Variants in GNB1 observed in about 807,000 individuals in gnomAD.
GNB1 encodes the protein guanine nucleotide-binding protein G(I)/G(S)/G(T) subunit beta-1.
A neutral mutation model predicts 42.9 loss-of-function variants in GNB1; 2 were observed. The observed-to-expected ratio is 0.05, with a 90% CI of 0.02 to 0.15. The LOEUF is 0.15. GNB1 is among the 10% of genes least tolerant of loss of function. The pLI, the probability that GNB1 is intolerant of heterozygous loss-of-function variation, is 1.00. For missense variants in GNB1, 193 were observed against 462.2 expected (o/e 0.42, Z 5.34); for synonymous variants, 183 against 174.7 (o/e 1.05, Z -0.38).
At position 1,864,708 on chromosome 1, in the gene GNB1, T is replaced by C. The variant is rs974558412; in HGVS notation, c.-95-25470A>G. 4.6e-5 allele frequency among the ~76,000 whole-genome samples: 7 copies of C among 152,338 alleles called. No individual in the cohort carries two copies. In the South Asian group the frequency reaches 1.2e-3, roughly 27 times the overall value. On this transcript the variant is annotated intron_variant, in intron 1 of 11. Coordinates refer to ENST00000378609, the MANE Select transcript of GNB1 (RefSeq NM_002074.5). Reference sequence around the variant, plus strand: ...ATACGAAAGACTTTTTCCACTAGTTTGTACTCTGAGTAAAATTCTTCGTTC... The same window carrying C: ...ATACGAAAGACTTTTTCCACTAGTTCGTACTCTGAGTAAAATTCTTCGTTC...
At chr1:1,791,867 A>G (rs1209829776) in intron 8 of GNB1, among the ~76,000 whole-genome samples, 1 of 152,242 alleles carries the variant, frequency 6.6e-6, no homozygotes, top group Non-Finnish European at 1.5e-5. Context: ...TCTTCTCAAG[A>G]TTGACAATCT....
chr1:1,855,244 C>T (rs1187454768), intron 1 of GNB1, among the ~76,000 whole-genome samples: 6 of 148,444 alleles, frequency 4.0e-5, no homozygotes, highest in Admixed American at 2.0e-4. Context: ...TCACTTGAAC[C>T]GGGGAGGTGG....
At chr1:1,844,556 T>A (rs904906490) in intron 1 of GNB1, among the ~76,000 whole-genome samples, 1 of 152,238 alleles carries the variant, frequency 6.6e-6, no homozygotes, top group African/African-American at 2.4e-5. Context: ...AGAAACTGAA[T>A]CCTTGAGACA....
intron 7 of GNB1, among the ~76,000 whole-genome samples, chr1:1,800,127 C>T (rs1646604324): frequency 6.6e-6 from 1 of 152,172 alleles, no homozygotes; most frequent in Admixed American, 6.5e-5. Context: ...GTCCAGAATA[C>T]AATTTGAAAT....
At chr1:1,837,306 G>A (rs1012588466) in intron 2 of GNB1, among the ~76,000 whole-genome samples, 1 of 149,728 alleles carries the variant, frequency 6.7e-6, no homozygotes, top group African/African-American at 2.5e-5. Context: ...CCAGGCTGGA[G>A]TGCAGTAGCG....
chr1:1,889,439 C>T (rs1650344228), intron 1 of GNB1, among the ~76,000 whole-genome samples: 1 of 152,184 alleles, frequency 6.6e-6, no homozygotes, highest in South Asian at 2.1e-4. Flanking sequence ...TAAATGTACA[C>T]CAACTCCCTT....
intron 1 of GNB1, among the ~76,000 whole-genome samples, chr1:1,864,314 C>CAAAAAAAAAAAAAAAAAAAAAA (rs1173466617): frequency 2.6e-5 from 1 of 37,932 alleles, no homozygotes; most frequent in Non-Finnish European, 4.9e-5. Context: ...AAGACTCTCT[C>CAAAAAAAAAAAAAAAAAAAAAA]AAAAAAAAAA....
intron 1 of GNB1, among the ~76,000 whole-genome samples, chr1:1,881,606 G>T (rs1329902410): frequency 1.3e-5 from 2 of 152,038 alleles, no homozygotes; most frequent in East Asian, 3.9e-4. Flanking sequence ...CACCATGTTG[G>T]CCAGGCTGGT....
chr1:1,845,732 GGAAT>G (rs1466942884), intron 1 of GNB1, among the ~76,000 whole-genome samples: 1 of 151,840 alleles, frequency 6.6e-6, no homozygotes, highest in African/African-American at 2.4e-5. Context: ...CTGAAAGCAA[GGAAT>G]GGCCCCCTGG....
chr1:1,889,938 G>A (rs1031805064), intron 1 of GNB1, among the ~76,000 whole-genome samples: 5 of 147,484 alleles, frequency 3.4e-5, no homozygotes, highest in Admixed American at 7.0e-5. Flanking sequence ...CCCAGCCTTT[G>A]TGCTATTTCC....
At chr1:1,836,188 A>G (rs982962727) in intron 2 of GNB1, among the ~76,000 whole-genome samples, 85 of 152,032 alleles carry the variant, frequency 5.6e-4, no homozygotes, top group African/African-American at 2.0e-3. Context: ...CAATGTGGAG[A>G]GTCCCGGCTC....
chr1:1,872,591 T>G (rs977991651), intron 1 of GNB1, among the ~76,000 whole-genome samples: 3 of 152,176 alleles, frequency 2.0e-5, no homozygotes, highest in African/African-American at 7.2e-5. Flanking sequence ...TGCTGTCCCT[T>G]CCGCAGGGCC....
chr1:1,842,071 G>A (rs535013786), intron 1 of GNB1, among the ~76,000 whole-genome samples: 1 of 152,346 alleles, frequency 6.6e-6, no homozygotes, highest in African/African-American at 2.4e-5. Flanking sequence ...ACTTTGGGAA[G>A]GTGAGGCGGG....
chr1:1,828,059 G>T (rs1201210240), intron 2 of GNB1, among the ~76,000 whole-genome samples: 1 of 152,106 alleles, frequency 6.6e-6, no homozygotes, highest in Admixed American at 6.6e-5. Context: ...GGTGGCTGAC[G>T]CCTGTAATCC....
intron 1 of GNB1, among the ~76,000 whole-genome samples, chr1:1,844,531 C>T (rs562830764): frequency 6.6e-6 from 1 of 152,276 alleles, no homozygotes; most frequent in South Asian, 2.1e-4. Flanking sequence ...TTTATTTCAG[C>T]ATTTTTCAAA....
intron 1 of GNB1, among the ~76,000 whole-genome samples, chr1:1,875,487 C>T (rs903856097): frequency 6.6e-6 from 1 of 152,160 alleles, no homozygotes; most frequent in African/African-American, 2.4e-5. Flanking sequence ...GCCATCACAC[C>T]TGGCCAAGGA....
rs1190502535 is a variant in GNB1, at chr1:1,786,447, T to A, written c.*616A>T. The A allele has an allele frequency of 5.2e-6, 1 of 192,070 alleles. No individual in the cohort carries two copies. Among genetic ancestry groups the A allele is most frequent in the Non-Finnish European group, 1.1e-5 (1 of 94,546 alleles). 11.9% of individuals were successfully genotyped at this position (192,070 alleles called of 1,614,324 possible). ...TCTATGCCACGTTTGTGTGCAACAA[T>A]GATCTGTGACATCAGACAGAAAATT... On this transcript the variant is annotated 3_prime_UTR_variant, in exon 12 of 12. Coordinates refer to ENST00000378609, the MANE Select transcript of GNB1 (RefSeq NM_002074.5).
chr1:1,865,455 G>A (rs188725790), intron 1 of GNB1, among the ~76,000 whole-genome samples: 293 of 151,818 alleles, frequency 1.9e-3, no homozygotes, highest in Non-Finnish European at 3.3e-3. Context: ...GTGTGGTGGC[G>A]GGCACCTGTA....
chr1:1,796,769 C>T lies in GNB1; in HGVS notation c.431-3458G>A, dbSNP rs548992458. ...CAAGTGCCTCAAGGAGAGGCTGAAA[C>T]GCGGCCTGGGGACCTCGCAGTGGTC... On this transcript the variant is annotated intron_variant, in intron 7 of 11. Transcript: ENST00000378609. 3.9e-5 allele frequency among the ~76,000 whole-genome samples: 6 copies of T among 152,286 alleles called. No homozygotes were observed. In the South Asian group the frequency reaches 8.3e-4, roughly 21 times the overall value.
Sources: gnomAD v4.1 joint callset for allele counts (sites outside exome capture counted in the v4.1 genomes callset) on GRCh38, gnomAD v4.1.1 for gene constraint, MANE v1.5 for transcripts, NCBI Gene and HGNC (gene_info 2026-07-23, HGNC 2026-07-21) for gene names.